HOMER1: variants seen among roughly 807,000 people sequenced by gnomAD.
HOMER1 encodes the protein homer protein homolog 1.
Under a neutral mutation model 48.9 loss-of-function variants are expected in HOMER1, and 3 were observed. The observed-to-expected ratio is 0.06, with a 90% CI of 0.03 to 0.16. The LOEUF is 0.16. Ranked by LOEUF, HOMER1 falls within the 10% of genes least tolerant of loss-of-function variation. The pLI is 1.00. For missense variants in HOMER1, 247 were observed against 411.4 expected (o/e 0.60, Z 3.46); for synonymous variants, 134 against 146.4 (o/e 0.92, Z 0.61).
At chr5:79,474,100 T>C (rs1156509331) in intron 1 of HOMER1, among the ~76,000 whole-genome samples, 2 of 151,956 alleles carry the variant, frequency 1.3e-5, no homozygotes, top group East Asian at 1.9e-4. Flanking sequence ...AGTATGCTCA[T>C]GGCTTATAGC....
At chr5:79,436,063 T>C (rs1217732831) in intron 5 of HOMER1, among the ~76,000 whole-genome samples, 1 of 151,014 alleles carries the variant, frequency 6.6e-6, no homozygotes, top group African/African-American at 2.4e-5. Context: ...GAAGCGGAGC[T>C]TGCAGTGAGC....
chr5:79,384,947 A>C (rs112484761), intron 8 of HOMER1, among the ~76,000 whole-genome samples: 1 of 152,180 alleles, frequency 6.6e-6, no homozygotes, highest in African/African-American at 2.4e-5. Flanking sequence ...ACATCGCTTC[A>C]TGATAAAAAT....
intron 4 of HOMER1, among the ~76,000 whole-genome samples, chr5:79,440,850 T>C (rs2112278359): frequency 6.6e-6 from 1 of 152,278 alleles, no homozygotes; most frequent in East Asian, 1.9e-4. Context: ...GAAGATTCAA[T>C]TCAGTAGAAA....
intron 1 of HOMER1, among the ~76,000 whole-genome samples, chr5:79,489,513 C>A (rs1311085495): frequency 6.6e-6 from 1 of 151,880 alleles, no homozygotes; most frequent in African/African-American, 2.4e-5. Context: ...GCCGAGATTG[C>A]GCCACTGTAC....
Position 79,500,928 on chromosome 5 carries a change from TG to T in HOMER1, c.5+11841del, listed in dbSNP as rs1752560454. On this transcript the variant is annotated intron_variant, in intron 1 of 8. Coordinates refer to ENST00000334082, the MANE Select transcript of HOMER1 (RefSeq NM_004272.5). ...GCGTGAGCCACTGCACCCAGCCATT[TG>T]TGTGTGTGTGTGTGTGTGTGTGTGA... Among the ~76,000 whole-genome samples, 8 of 32,242 alleles carry T rather than the reference TG, an allele frequency of 2.5e-4. No homozygotes were observed. In the African/African-American group the frequency reaches 5.2e-3, roughly 21 times the overall value. 21.2% of individuals were successfully genotyped at this position (32,242 alleles called of 152,430 possible).
At chr5:79,433,449 T>C (rs888378110) in intron 5 of HOMER1, among the ~76,000 whole-genome samples, 1 of 152,048 alleles carries the variant, frequency 6.6e-6, no homozygotes, top group Non-Finnish European at 1.5e-5. Flanking sequence ...AAGCCTGTAA[T>C]CCCAGCTACC....
In HOMER1 at chr5:79,374,559, G is replaced by C. The variant is rs1299347959; in HGVS notation, c.*1450C>G. 1 of 151,838 alleles carries C rather than the reference G, an allele frequency of 6.6e-6. No individual in the cohort carries two copies. Among genetic ancestry groups the C allele is most frequent in the African/African-American group, 2.4e-5 (1 of 41,368 alleles). The allele number at this position is 151,838 out of a possible 1,614,324, so 9.4% of individuals were successfully genotyped here. A position where few individuals can be genotyped will look rare whatever the true frequency, so the allele number is the denominator to read the frequency against. On this transcript the variant is annotated 3_prime_UTR_variant, in exon 9 of 9. Coordinates refer to ENST00000334082, the MANE Select transcript of HOMER1 (RefSeq NM_004272.5). Reference sequence around the variant, plus strand: ...GATCATTTTGGGGTACAAACAAGAAGTCAGTGCATTTATAGACTCCATAGA... The same window carrying C: ...GATCATTTTGGGGTACAAACAAGAACTCAGTGCATTTATAGACTCCATAGA...
At chr5:79,381,080 C>G (rs1387494033) in intron 8 of HOMER1, among the ~76,000 whole-genome samples, 1 of 152,194 alleles carries the variant, frequency 6.6e-6, no homozygotes, top group East Asian at 1.9e-4. Context: ...CTGGTGCAAG[C>G]AAACACAGCC....
At chr5:79,410,056 T>C (rs1749774830) in intron 5 of HOMER1, among the ~76,000 whole-genome samples, 1 of 152,254 alleles carries the variant, frequency 6.6e-6, no homozygotes. Context: ...ATTTTCTTTT[T>C]ACAATTTTCT....
chr5:79,392,376 A>C (rs1432369319), intron 8 of HOMER1, among the ~76,000 whole-genome samples: 2 of 152,180 alleles, frequency 1.3e-5, no homozygotes, highest in African/African-American at 4.8e-5. Flanking sequence ...TGATGATCCC[A>C]ACCTTGTGTA....
chr5:79,478,153 T>C (rs1234689752), intron 1 of HOMER1, among the ~76,000 whole-genome samples: 1 of 152,204 alleles, frequency 6.6e-6, no homozygotes, highest in African/African-American at 2.4e-5. Context: ...AAATCAGAGT[T>C]CTTTCTATTA....
At chr5:79,495,956 A>C (rs1455502664) in intron 1 of HOMER1, among the ~76,000 whole-genome samples, 1 of 152,254 alleles carries the variant, frequency 6.6e-6, no homozygotes, top group Non-Finnish European at 1.5e-5. Flanking sequence ...CACTAAAATG[A>C]AAGTTAAGGG....
chr5:79,436,798 G>T (rs1750596172), intron 5 of HOMER1, among the ~76,000 whole-genome samples: 1 of 152,078 alleles, frequency 6.6e-6, no homozygotes. Flanking sequence ...ACCTCAGGTG[G>T]AAATCTTGTT....
rs150043116 is a variant in HOMER1, at chr5:79,506,754, T to C, written c.5+6016A>G. On this transcript the variant is annotated intron_variant, in intron 1 of 8. Coordinates refer to ENST00000334082, the MANE Select transcript of HOMER1 (RefSeq NM_004272.5). Reference sequence around the variant, plus strand: ...CGGGAGTCTAAAGTAGGAGGATTGCTTGAGTCTGAGAGGTCAAGGCTGCAG... The same window carrying C: ...CGGGAGTCTAAAGTAGGAGGATTGCCTGAGTCTGAGAGGTCAAGGCTGCAG... 2.3e-4 allele frequency among the ~76,000 whole-genome samples: 35 copies of C among 152,140 alleles called. No homozygotes were observed. The East Asian group carries it at 6.6e-3, about 29-fold the overall frequency.
chr5:79,467,880 G>C (rs929183969), intron 1 of HOMER1, among the ~76,000 whole-genome samples: 3 of 152,068 alleles, frequency 2.0e-5, no homozygotes, highest in African/African-American at 7.2e-5. Context: ...AGGCTCAAGC[G>C]ATCCTCCTGC....
intron 8 of HOMER1, among the ~76,000 whole-genome samples, chr5:79,392,018 ATG>A (rs1218108727): frequency 1.3e-5 from 2 of 152,128 alleles, no homozygotes; most frequent in Non-Finnish European, 2.9e-5. Flanking sequence ...TGCCGTACTC[ATG>A]TGTTTGTGGT....
At chr5:79,393,599 T>C (rs1250333280) in intron 8 of HOMER1, among the ~76,000 whole-genome samples, 1 of 152,232 alleles carries the variant, frequency 6.6e-6, no homozygotes, top group African/African-American at 2.4e-5. Flanking sequence ...CAATATCCAG[T>C]GGGTACCCTG....
intron 4 of HOMER1, among the ~76,000 whole-genome samples, chr5:79,441,606 C>T (rs998605998): frequency 4.6e-5 from 7 of 151,998 alleles, no homozygotes; most frequent in Non-Finnish European, 7.4e-5. Context: ...AAGTAAAAAA[C>T]AAAAAGCCCA....
chr5:79,404,274 T>C (rs1749607136), intron 5 of HOMER1, among the ~76,000 whole-genome samples: 1 of 152,222 alleles, frequency 6.6e-6, no homozygotes, highest in Admixed American at 6.5e-5. Context: ...CACATATTTA[T>C]AGCAGGAGAA....
Sources: gnomAD v4.1 joint callset for allele counts (sites outside exome capture counted in the v4.1 genomes callset) on GRCh38, gnomAD v4.1.1 for gene constraint, MANE v1.5 for transcripts, NCBI Gene and HGNC (gene_info 2026-07-23, HGNC 2026-07-21) for gene names.